The following SMIM36 variants were observed in gnomAD, a reference collection of about 807,000 sequenced individuals.
The protein encoded by SMIM36 is small integral membrane protein 36.
chr17:55,529,965 C>T, the SMIM36 span, among the ~76,000 whole-genome samples: 1 of 152,200 alleles, frequency 6.6e-6, no homozygotes, highest in African/African-American at 2.4e-5. Context: ...GAGACTGTTT[C>T]CATCATCGTT....
chr17:55,466,277 CAAAA>C (rs796506078), intron 4 of SMIM36, among the ~76,000 whole-genome samples: 3 of 46,882 alleles, frequency 6.4e-5, no homozygotes, highest in Admixed American at 3.0e-4. Context: ...GACTCCGTCT[CAAAA>C]AAAAAAAAAA....
At chr17:55,476,678 C>G (rs546607933) in intron 3 of SMIM36, among the ~76,000 whole-genome samples, 1 of 152,138 alleles carries the variant, frequency 6.6e-6, no homozygotes, top group Admixed American at 6.5e-5. Flanking sequence ...AATAATTCTC[C>G]CACCTCAGCC....
At chr17:55,518,320 C>A in the SMIM36 span, among the ~76,000 whole-genome samples, 9 of 152,132 alleles carry the variant, frequency 5.9e-5, no homozygotes, top group South Asian at 2.1e-4. Flanking sequence ...AAGACAGAAC[C>A]CTCATGGCCA....
intron 4 of SMIM36, among the ~76,000 whole-genome samples, chr17:55,455,821 A>G (rs969605728): frequency 1.3e-5 from 2 of 151,798 alleles, no homozygotes; most frequent in Non-Finnish European, 2.9e-5. Context: ...CAAACAAACA[A>G]AAACAAAAAA....
At chr17:55,500,201 T>G (rs1192428329) in intron 1 of SMIM36, among the ~76,000 whole-genome samples, 1 of 152,066 alleles carries the variant, frequency 6.6e-6, no homozygotes. Flanking sequence ...CATGGCTCAC[T>G]GCAGCCTCAA....
intron 4 of SMIM36, among the ~76,000 whole-genome samples, chr17:55,457,933 G>A (rs1421513086): frequency 6.6e-6 from 1 of 152,184 alleles, no homozygotes; most frequent in Non-Finnish European, 1.5e-5. Context: ...AAAGGATGAT[G>A]CCTGTTCTTG....
chr17:55,523,828 T>C, the SMIM36 span, among the ~76,000 whole-genome samples: 1 of 152,232 alleles, frequency 6.6e-6, no homozygotes, highest in Admixed American at 6.5e-5. Context: ...ATAAGCTCAT[T>C]AAAAGTTTCT....
At chr17:55,478,192 C>G (rs554213796) in intron 3 of SMIM36, among the ~76,000 whole-genome samples, 4 of 150,268 alleles carry the variant, frequency 2.7e-5, no homozygotes, top group African/African-American at 7.3e-5. Context: ...CTCCTCCCCC[C>G]ACCCAAAAAA....
chr17:55,500,967 T>C (rs796682287), intron 1 of SMIM36, among the ~76,000 whole-genome samples: 5 of 34,022 alleles, frequency 1.5e-4, no homozygotes, highest in East Asian at 1.0e-3. Flanking sequence ...TATTTTATAA[T>C]ATATATTATA....
intron 4 of SMIM36, among the ~76,000 whole-genome samples, chr17:55,462,782 C>G (rs1281487520): frequency 1.3e-5 from 2 of 152,064 alleles, no homozygotes; most frequent in Non-Finnish European, 2.9e-5. Context: ...GGTTAGAATG[C>G]ACAATCTAAA....
the SMIM36 span, among the ~76,000 whole-genome samples, chr17:55,522,001 A>G: frequency 6.6e-6 from 1 of 152,104 alleles, no homozygotes; most frequent in East Asian, 1.9e-4. Flanking sequence ...ATGTCAAACC[A>G]TGTTATTCCT....
intron 1 of SMIM36, among the ~76,000 whole-genome samples, chr17:55,480,842 C>T (rs183830055): frequency 6.6e-6 from 1 of 152,110 alleles, no homozygotes; most frequent in Non-Finnish European, 1.5e-5. Flanking sequence ...CAGGGGCAAC[C>T]ATGATTATCT....
chr17:55,513,123 A>G (rs1740570864), upstream of SMIM36, among the ~76,000 whole-genome samples: 2 of 152,226 alleles, frequency 1.3e-5, no homozygotes. Flanking sequence ...TCTTTTGAAT[A>G]CAGATACCTG....
intron 1 of SMIM36, among the ~76,000 whole-genome samples, chr17:55,488,018 C>G (rs1275616848): frequency 1.3e-5 from 2 of 152,198 alleles, no homozygotes. Context: ...AGTAGCCTGT[C>G]TTTGTCTCCC....
Position 55,487,191 on chromosome 17 carries a change from G to A in SMIM36, c.*175-7611C>T, listed in dbSNP as rs190558190. Among the ~76,000 whole-genome samples the A allele has an allele frequency of 5.4e-3, 820 of 151,962 alleles. 9 individuals carry two copies. The highest frequency in any genetic ancestry group is 0.019 in the African/African-American group (783 of 41,392). On this transcript the variant is annotated intron_variant, in intron 1 of 4. Coordinates refer to ENST00000636752, the Ensembl canonical transcript of SMIM36. ...CACAGGGCGGGGAACATCACACCCT[G>A]GGGCCTGTCATGGGGTGGGGGGTAG...
chr17:55,500,840 A>T lies in SMIM36; in HGVS notation c.*174+10039T>A, dbSNP rs1322938676. ...TATTATATTTTATAATATATATTAT[A>T]ATATATTATATTATAATATATTATA... On this transcript the variant is annotated intron_variant, in intron 1 of 4. Transcript: ENST00000636752. Among the ~76,000 whole-genome samples, 44 of 13,446 alleles carry T rather than the reference A, an allele frequency of 3.3e-3. 17 individuals carry two copies. The highest frequency in any genetic ancestry group is 0.018 in the African/African-American group (34 of 1,874). The allele number at this position is 13,446 out of a possible 152,430, so 8.8% of individuals were successfully genotyped here.
chr17:55,515,420 G>T (rs7208812), upstream of SMIM36, among the ~76,000 whole-genome samples: 66,025 of 151,888 alleles, frequency 0.43, 15,177 homozygotes, highest in Non-Finnish European at 0.51. Flanking sequence ...ATACTGGGTT[G>T]AATAATGTCT....
At chr17:55,464,171 T>C (rs549672667) in intron 4 of SMIM36, among the ~76,000 whole-genome samples, 4 of 152,182 alleles carry the variant, frequency 2.6e-5, no homozygotes, top group Non-Finnish European at 5.9e-5. Flanking sequence ...TTTCAGGTCA[T>C]GTCCACCTAG....
chr17:55,517,950 G>A, the SMIM36 span, among the ~76,000 whole-genome samples: 2 of 152,126 alleles, frequency 1.3e-5, no homozygotes, highest in East Asian at 1.9e-4. Context: ...CAGAGAGGAA[G>A]AAATCAACAA....
Sources: allele counts gnomAD v4.1 joint callset (sites outside exome capture counted in the v4.1 genomes callset), GRCh38; gene constraint gnomAD v4.1.1; transcripts MANE v1.5; gene names NCBI Gene and HGNC (gene_info 2026-07-23, HGNC 2026-07-21).